The following MARCHF10 variants were observed in gnomAD, a reference collection of about 807,000 sequenced individuals.
MARCHF10 encodes membrane associated ring-CH-type finger 10.
In MARCHF10, 64 loss-of-function variants were observed where a neutral mutation model predicts 76.2. The observed-to-expected ratio is 0.84, with a 90% CI of 0.69 to 1.03. MARCHF10 has a LOEUF of 1.03. Among genes scored for constraint, MARCHF10 ranks in the 50% least tolerant of loss-of-function variants. MARCHF10 has a pLI of 0.00. For missense variants in MARCHF10, 875 were observed against 958.0 expected (o/e 0.91, Z 1.14); for synonymous variants, 340 against 357.5 (o/e 0.95, Z 0.55).
Position 62,790,815 on chromosome 17 carries a change from G to A in MARCHF10, c.91-2216C>T, listed in dbSNP as rs78347251. Among the ~76,000 whole-genome samples the A allele has an allele frequency of 9.5e-3, 1,449 of 152,294 alleles. 14 individuals carry two copies. The highest frequency in any genetic ancestry group is 0.033 in the African/African-American group (1,391 of 41,552). On this transcript the variant is annotated intron_variant, in intron 2 of 10. Coordinates refer to ENST00000311269, the MANE Select transcript of MARCHF10 (RefSeq NM_152598.4). ...AACAAAACATTTACTCCTTGGAATT[G>A]GGACAGTTATTCACATCGTGCTTTA... is the stretch of plus-strand genomic sequence containing the variant.
At chr17:62,735,602 A>G (rs2091226432) in intron 6 of MARCHF10, 2 of 260,944 alleles carry the variant, frequency 7.7e-6, no homozygotes, top group Non-Finnish European at 7.0e-6. Flanking sequence ...TTCCTAAAAA[A>G]TCTTGGTTCT....
rs1396306190 is a variant in MARCHF10, at chr17:62,712,232, C to T, written c.2215-888G>A. 6.6e-6 allele frequency among the ~76,000 whole-genome samples: 1 copy of T among 152,260 alleles called. No individual in the cohort carries two copies. Among genetic ancestry groups the T allele is most frequent in the East Asian group, 1.9e-4 (1 of 5,194 alleles). ...ATGGGCCAGGCTGTGCTCACAAAGC[C>T]ACCCAGCCCCCGGGGAATAGAGTCC... On this transcript the variant is annotated intron_variant, in intron 8 of 10. Coordinates refer to ENST00000311269, the MANE Select transcript of MARCHF10 (RefSeq NM_152598.4). The surrounding 1 kb of genome is among the most constrained non-coding windows in gnomAD (Gnocchi z 4.2).
At chr17:62,775,165 G>A (rs1356988648) in intron 3 of MARCHF10, among the ~76,000 whole-genome samples, 2 of 136,052 alleles carry the variant, frequency 1.5e-5, no homozygotes, top group African/African-American at 5.4e-5. Flanking sequence ...TCACTCTCTC[G>A]CCCAGGCTGG....
At chr17:62,735,771 G>A (rs2091234087) in intron 6 of MARCHF10, 160 bp downstream of exon 6, 3 of 627,042 alleles carry the variant, frequency 4.8e-6, no homozygotes, top group Non-Finnish European at 8.0e-6. Context: ...TATATTTTAA[G>A]AGCAACAAAA....
intron 5 of MARCHF10, among the ~76,000 whole-genome samples, chr17:62,739,935 C>T (rs1406626560): frequency 6.6e-6 from 1 of 152,070 alleles, no homozygotes; most frequent in Non-Finnish European, 1.5e-5. Context: ...CAGAAGAAGT[C>T]CCAGGGTATG....
At chr17:62,758,497 C>A (rs1349165012) in intron 4 of MARCHF10, among the ~76,000 whole-genome samples, 1 of 152,182 alleles carries the variant, frequency 6.6e-6, no homozygotes, top group Non-Finnish European at 1.5e-5. Flanking sequence ...TCTATTTCAA[C>A]CTTAAACAGC....
At chr17:62,800,814 G>A (rs888823633) in intron 2 of MARCHF10, among the ~76,000 whole-genome samples, 1 of 152,172 alleles carries the variant, frequency 6.6e-6, no homozygotes, top group Non-Finnish European at 1.5e-5. Context: ...CCGGGTGACT[G>A]CAACCTCAGG....
chr17:62,704,395 T>C (rs2089447452), intron 10 of MARCHF10, among the ~76,000 whole-genome samples: 1 of 152,060 alleles, frequency 6.6e-6, no homozygotes, highest in African/African-American at 2.4e-5. Context: ...GACCCCGCGG[T>C]TGCGCCCGGG....
At chr17:62,721,898 T>C (rs888938638) in intron 8 of MARCHF10, among the ~76,000 whole-genome samples, 1 of 152,166 alleles carries the variant, frequency 6.6e-6, no homozygotes, top group Non-Finnish European at 1.5e-5. Flanking sequence ...CTTGCCAGAA[T>C]TTTTTGGTAT....
chr17:62,721,881 T>A (rs2090504858), intron 8 of MARCHF10, among the ~76,000 whole-genome samples: 1 of 152,072 alleles, frequency 6.6e-6, no homozygotes, highest in African/African-American at 2.4e-5. Context: ...CAAACGTGGG[T>A]GTGGAGCTTG....
intron 4 of MARCHF10, among the ~76,000 whole-genome samples, chr17:62,754,999 C>T (rs1439894924): frequency 2.0e-5 from 3 of 152,158 alleles, no homozygotes; most frequent in Non-Finnish European, 4.4e-5. Flanking sequence ...AGATGTTTGT[C>T]TCTTAACATC....
intron 6 of MARCHF10, among the ~76,000 whole-genome samples, chr17:62,727,476 C>T (rs534842456): frequency 1.3e-5 from 2 of 151,944 alleles, no homozygotes; most frequent in African/African-American, 4.8e-5. Flanking sequence ...CAAGCCCAGC[C>T]TGGGCAACAC....
Position 62,737,139 on chromosome 17 carries a change from AT to A in MARCHF10, c.728del (p.Asn243IlefsTer6). ...AGAACTCACTCAATACTTGAGGACT[AT>A]TTTTTCCTTGGAAGGCCTGGGACAG... Reference protein sequence around the residue: ...PALSQAFQGKNSPQVLSEFSG... With the variant: ...PALSQAFQGKXSPQVLSEFSG... On this transcript the variant is annotated frameshift_variant, in exon 6 of 11. Transcript: ENST00000311269. LOFTEE classifies it high-confidence loss of function. 2 of 1,613,660 alleles carry A rather than the reference AT, an allele frequency of 1.2e-6. No individual in the cohort carries two copies. Among genetic ancestry groups the A allele is most frequent in the Non-Finnish European group, 1.7e-6 (2 of 1,179,972 alleles).
intron 3 of MARCHF10, among the ~76,000 whole-genome samples, chr17:62,778,958 G>A (rs1359236845): frequency 6.6e-6 from 1 of 152,212 alleles, no homozygotes; most frequent in Admixed American, 6.5e-5. Context: ...TGTGGGACCT[G>A]CCACGGTGAA....
Position 62,705,548 on chromosome 17 carries a change from CCT to C in MARCHF10, c.2360_2361del (p.Glu787GlyfsTer3), listed in dbSNP as rs1294771419. ...GGCCCCCAAAACCTACTTTCATTTTCCTCTGTTCTGGGTTGTGGGTAATTTCT... is the reference window on the plus strand; with the variant it reads ...GGCCCCCAAAACCTACTTTCATTTTCCTGTTCTGGGTTGTGGGTAATTTCT... The part of the protein sequence containing the change: ...LSRNYPQPRT[E>X]ENENSELGDG... On this transcript the variant is annotated frameshift_variant, in exon 10 of 11. Coordinates refer to ENST00000311269, the MANE Select transcript of MARCHF10 (RefSeq NM_152598.4). LOFTEE classifies it high-confidence loss of function. 1 of 1,614,020 alleles carries C rather than the reference CCT, an allele frequency of 6.2e-7. No individual in the cohort carries two copies. The highest frequency in any genetic ancestry group is 8.5e-7 in the Non-Finnish European group (1 of 1,180,026).
intron 4 of MARCHF10, chr17:62,746,808 C>A: frequency 8.6e-7 from 1 of 1,160,878 alleles, no homozygotes; most frequent in Admixed American, 2.2e-5. Flanking sequence ...CCCACGCACC[C>A]CAGGCAGCAG....
In MARCHF10 at chr17:62,705,539, T is replaced by A. The variant is rs763280339; in HGVS notation, c.2371A>T (p.Asn791Tyr). 8.1e-6 allele frequency: 13 copies of A among 1,614,094 alleles called. No homozygotes were observed. In the Admixed American group the frequency reaches 1.3e-4, roughly 17 times the overall value. Reference protein sequence around the residue: ...YPQPRTEENENSELGDGNEGS... With the variant: ...YPQPRTEENEYSELGDGNEGS... ...GGCAGGACTGGCCCCCAAAACCTAC[T>A]TTCATTTTCCTCTGTTCTGGGTTGT... is the stretch of plus-strand genomic sequence containing the variant. The change falls in exon 10 of 11, where the codon AAT (asparagine) becomes TAT (tyrosine). Residue 791 changes from asparagine to tyrosine, a missense_variant and splice_region_variant. Coordinates refer to ENST00000311269, the MANE Select transcript of MARCHF10 (RefSeq NM_152598.4).
intron 6 of MARCHF10, among the ~76,000 whole-genome samples, chr17:62,725,687 A>G (rs2090724195): frequency 6.6e-6 from 1 of 152,216 alleles, no homozygotes. Context: ...TCATTTTCAA[A>G]CTGGAGTCAA....
At chr17:62,742,218 C>T (rs887692022) in intron 5 of MARCHF10, among the ~76,000 whole-genome samples, 1 of 151,738 alleles carries the variant, frequency 6.6e-6, no homozygotes, top group Admixed American at 6.6e-5. Context: ...CAGGGTTTCA[C>T]CATGTTGGCC....
Sources: gnomAD v4.1 joint callset for allele counts (sites outside exome capture counted in the v4.1 genomes callset) on GRCh38, gnomAD v4.1.1 for gene constraint, Gnocchi (gnomAD v3.1) non-coding constraint, MANE v1.5 for transcripts, NCBI Gene and HGNC (gene_info 2026-07-23, HGNC 2026-07-21) for gene names.